The following TP53BP1 variants were observed in gnomAD, a reference collection of about 807,000 sequenced individuals.
TP53BP1 encodes the protein tumor protein p53 binding protein 1, also known as TP53-binding protein 1.
Under a neutral mutation model 200.8 loss-of-function variants are expected in TP53BP1, and 61 were observed. That is an observed-to-expected ratio of 0.30 (90% CI 0.25 to 0.38). TP53BP1 has a LOEUF of 0.38. TP53BP1 is among the 10% of genes least tolerant of loss of function. The probability of loss-of-function intolerance (pLI) is 1.00; values close to 1 mark genes in which losing one functional copy is unlikely to be tolerated. For missense variants in TP53BP1, 2,144 were observed against 2,371.9 expected, an observed-to-expected ratio of 0.90 and a Z score of 2.00; for synonymous variants, 822 against 844.3, an observed-to-expected ratio of 0.97 and a Z score of 0.46.
Position 43,404,659 on chromosome 15 carries a change from A to T in TP53BP1, c.*2724T>A. On this transcript the variant is annotated 3_prime_UTR_variant, in exon 28 of 28. Coordinates refer to ENST00000382044, the MANE Select transcript of TP53BP1 (RefSeq NM_001141980.3). Reference sequence around the variant, plus strand: ...ACTTTAGTCCAAATACCCTCATTTTATAAGTAAGGCTTAGAGATAGAGGTG... The same window carrying T: ...ACTTTAGTCCAAATACCCTCATTTTTTAAGTAAGGCTTAGAGATAGAGGTG... The T allele has an allele frequency of 8.2e-7, 1 of 1,226,418 alleles. No homozygotes were observed. Among genetic ancestry groups the T allele is most frequent in the East Asian group, 2.4e-5 (1 of 42,184 alleles). The allele number at this position is 1,226,418 out of a possible 1,614,324, so 76.0% of individuals were successfully genotyped here.
rs929040174 is a variant in TP53BP1 at position 43,492,045 on chromosome 15, A to G, written c.243T>C (p.Gly81=). The G allele has an allele frequency of 1.5e-5, 24 of 1,613,960 alleles. No homozygotes were observed. In the Admixed American group the frequency reaches 3.3e-4, roughly 22 times the overall value. Residue 81 remains glycine (G), a synonymous_variant, in exon 3 of 28, where the codon GGT becomes GGC. Coordinates refer to ENST00000382044, the MANE Select transcript of TP53BP1 (RefSeq NM_001141980.3). ...EQTAGEERGD[G]NSGFNEHLKE... The stretch of plus-strand genomic sequence containing the variant: ...TCAAATGTTCATTGAACCCACTATT[A>G]CCGTCTCCTCGTTCTTCTCCAGCTG...
At chr15:43,436,291 A>G (rs546515722) in intron 16 of TP53BP1, among the ~76,000 whole-genome samples, 2 of 152,102 alleles carry the variant, frequency 1.3e-5, no homozygotes, top group South Asian at 4.1e-4. Flanking sequence ...TACTTATATC[A>G]CTGTTACTGA....
Position 43,456,689 on chromosome 15 carries a change from G to A in TP53BP1, c.1919C>T (p.Ser640Phe). 1 of 1,614,138 alleles carries A rather than the reference G, an allele frequency of 6.2e-7. No homozygotes were observed. Among genetic ancestry groups the A allele is most frequent in the South Asian group, 1.1e-5 (1 of 91,076 alleles). Residue 640 changes from serine (S) to phenylalanine (F), a missense_variant, in exon 12 of 28, where the codon TCT becomes TTT. Around this residue, in one of 4 missense-constraint regions of TP53BP1, gnomAD observed 1,700 missense variants for 1,710.3 expected, o/e 0.99. Coordinates refer to ENST00000382044, the MANE Select transcript of TP53BP1 (RefSeq NM_001141980.3). ...SQAVPSPATR[S>F]EALSSVLDQE... is the part of the protein sequence containing the mutation. ...ATCTAACACACTAGAAAGTGCCTCAGATCGAGTAGCTGGTGACGGAACTGC... is the reference window on the plus strand; with the variant it reads ...ATCTAACACACTAGAAAGTGCCTCAAATCGAGTAGCTGGTGACGGAACTGC...
Position 43,409,754 on chromosome 15 carries a change from A to G in TP53BP1, c.5306-13T>C. 2 of 1,389,388 alleles carry G rather than the reference A, an allele frequency of 1.4e-6. No individual in the cohort carries two copies. Among genetic ancestry groups the G allele is most frequent in the Non-Finnish European group, 2.0e-6 (2 of 1,014,552 alleles). The allele number at this position is 1,389,388 out of a possible 1,614,324, so 86.1% of individuals were successfully genotyped here. A position where few individuals can be genotyped will look rare whatever the true frequency, so the allele number is the denominator to read the frequency against. On this transcript the variant is annotated splice_polypyrimidine_tract_variant and intron_variant, in intron 24 of 27. Coordinates refer to ENST00000382044, the MANE Select transcript of TP53BP1 (RefSeq NM_001141980.3). ...ATTTCCAAAAATTCTATATTAAAAA[A>G]AAAAACCAAGATAATAATTACTGAG...
At chr15:43,475,427 A>G (rs923213756) in intron 9 of TP53BP1, 138 bp downstream of exon 9, 33 of 976,086 alleles carry the variant, frequency 3.4e-5, no homozygotes, top group Non-Finnish European at 4.6e-5. Flanking sequence ...CTTCATCCCC[A>G]AAGCTCTAAT....
chr15:43,423,974 C>T (rs754560608), intron 18 of TP53BP1, among the ~76,000 whole-genome samples: 4 of 152,162 alleles, frequency 2.6e-5, no homozygotes, highest in Non-Finnish European at 5.9e-5. Flanking sequence ...ATCCTTACCT[C>T]GCTACCAAGA....
chr15:43,493,376 A>G (rs2079156957), upstream of TP53BP1, among the ~76,000 whole-genome samples: 1 of 152,118 alleles, frequency 6.6e-6, no homozygotes, highest in African/African-American at 2.4e-5. Flanking sequence ...AGGGACCTTG[A>G]GAGGGCGTGA....
chr15:43,405,240 A>G lies in TP53BP1; in HGVS notation c.*2143T>C. Reference sequence around the variant, plus strand: ...AAATTTCTGGCTCATAAATTGAAATAACAGCCACGTTCCCAAGGTTGTAAC... The same window carrying G: ...AAATTTCTGGCTCATAAATTGAAATGACAGCCACGTTCCCAAGGTTGTAAC... On this transcript the variant is annotated 3_prime_UTR_variant, in exon 28 of 28. Transcript: ENST00000382044. The G allele has an allele frequency of 6.2e-7, 1 of 1,613,678 alleles. No individual in the cohort carries two copies. The highest frequency in any genetic ancestry group is 8.5e-7 in the Non-Finnish European group (1 of 1,179,604).
intron 4 of TP53BP1, among the ~76,000 whole-genome samples, chr15:43,483,233 AACACACACACACACAC>A (rs71431896): frequency 2.7e-4 from 38 of 142,822 alleles, no homozygotes; most frequent in African/African-American, 7.9e-4. Flanking sequence ...AAAAGTACAG[AACACACACACACACAC>A]ACACACACAC....
At chr15:43,442,106 G>C (rs1352282015) in intron 14 of TP53BP1, among the ~76,000 whole-genome samples, 4 of 130,864 alleles carry the variant, frequency 3.1e-5, no homozygotes, top group African/African-American at 8.8e-5. Flanking sequence ...TTTTTTTTGA[G>C]ACAGAGTCTC....
chr15:43,476,443 A>G (rs1400928278), intron 8 of TP53BP1, among the ~76,000 whole-genome samples: 1 of 152,216 alleles, frequency 6.6e-6, no homozygotes, highest in Non-Finnish European at 1.5e-5. Flanking sequence ...AAAAATGCAC[A>G]TGACACTTGA....
chr15:43,404,228 C>T lies in TP53BP1; in HGVS notation c.*3155G>A. On this transcript the variant is annotated 3_prime_UTR_variant, in exon 28 of 28. Coordinates refer to ENST00000382044, the MANE Select transcript of TP53BP1 (RefSeq NM_001141980.3). Reference sequence around the variant, plus strand: ...ATGAAAGAGTACTTTCATAGGAAGTCATGCATGTATGGATTTGGTACAAGT... The same window carrying T: ...ATGAAAGAGTACTTTCATAGGAAGTTATGCATGTATGGATTTGGTACAAGT... 1.6e-6 allele frequency: 1 copy of T among 618,718 alleles called. No homozygotes were observed. Among genetic ancestry groups the T allele is most frequent in the Non-Finnish European group, 2.8e-6 (1 of 363,526 alleles). 38.3% of individuals were successfully genotyped at this position (618,718 alleles called of 1,614,324 possible). A position where few individuals can be genotyped will look rare whatever the true frequency, so the allele number is the denominator to read the frequency against.
intron 1 of TP53BP1, among the ~76,000 whole-genome samples, chr15:43,500,242 C>T (rs1220710135): frequency 1.3e-5 from 2 of 152,280 alleles, no homozygotes; most frequent in East Asian, 3.9e-4. Context: ...GCAGCCTTCC[C>T]CATCTCAGTT....
Position 43,492,067 on chromosome 15 carries a change from G to A in TP53BP1, c.221C>T (p.Ala74Val), listed in dbSNP as rs1307116389. The change falls in exon 3 of 28, where the codon GCT (alanine) becomes GTT (valine). Residue 74 changes from alanine (A) to valine (V), a missense_variant. Transcript: ENST00000382044. ...LDVVSNPEQT[A>V]GEERGDGNSG... ...ATTACCGTCTCCTCGTTCTTCTCCA[G>A]CTGTTTGTTCAGGATTGGACACAAC... 6 of 1,613,846 alleles carry A rather than the reference G, an allele frequency of 3.7e-6. No individual in the cohort carries two copies. The Admixed American group carries it at 6.7e-5, about 18-fold the overall frequency.
At chr15:43,427,881 TG>T in intron 18 of TP53BP1, 134 bp downstream of exon 18, 1 of 630,878 alleles carries the variant, frequency 1.6e-6, no homozygotes, top group Non-Finnish European at 2.7e-6. Flanking sequence ...CACTTGAGCC[TG>T]GGAGGCAGAG....
rs1555411130 is a variant in TP53BP1 at position 43,503,034 on chromosome 15, T to TGGGC, written c.-9+7335_-9+7336insGCCC. Among the ~76,000 whole-genome samples the TGGGC allele has an allele frequency of 5.9e-5, 9 of 152,062 alleles. No homozygotes were observed. The East Asian group carries it at 1.6e-3, about 26-fold the overall frequency. On this transcript the variant is annotated intron_variant, in intron 1 of 27. Coordinates refer to the TP53BP1 transcript ENST00000263801. ...TCCAAAACTGCTGGGATTACATGCG[T>TGGGC]GAGCCACCTTGCCCGGCCTATCTTG...
rs1250296101 is a variant in TP53BP1, at chr15:43,479,553, G to A, written c.659-27C>T. ...TGAGAGTTTTATAAAATGACAGGAAGGAGATAATTAAGTTTTCAAAATACT... is the reference window on the plus strand; with the variant it reads ...TGAGAGTTTTATAAAATGACAGGAAAGAGATAATTAAGTTTTCAAAATACT... On this transcript the variant is annotated intron_variant, in intron 6 of 27. Transcript: ENST00000382044. 5 of 1,593,990 alleles carry A rather than the reference G, an allele frequency of 3.1e-6. No homozygotes were observed. In the South Asian group the frequency reaches 5.7e-5, roughly 18 times the overall value.
chr15:43,469,790 A>T, intron 11 of TP53BP1, 68 bp downstream of exon 11: 1 of 1,301,668 alleles, frequency 7.7e-7, no homozygotes, highest in Non-Finnish European at 1.1e-6. Context: ...ATGGTATGTA[A>T]ATTATACCCC....
At chr15:43,463,390 C>G (rs944307376) in intron 11 of TP53BP1, among the ~76,000 whole-genome samples, 4 of 152,228 alleles carry the variant, frequency 2.6e-5, no homozygotes, top group Non-Finnish European at 5.9e-5. Context: ...AATCTTACAA[C>G]ATCAAAATTA....
Sources: gnomAD v4.1 joint callset for allele counts (sites outside exome capture counted in the v4.1 genomes callset) on GRCh38, gnomAD v4.1.1 for gene constraint, gnomAD v4.1.1 regional missense constraint, MANE v1.5 for transcripts, NCBI Gene and HGNC (gene_info 2026-07-23, HGNC 2026-07-21) for gene names.